Variants in FER observed in about 807,000 individuals in gnomAD.
FER encodes tyrosine-protein kinase Fer.
Under a neutral mutation model 111.0 loss-of-function variants are expected in FER, and 63 were observed. The observed-to-expected ratio is 0.57, with a 90% confidence interval of 0.46 to 0.70. FER has a LOEUF of 0.70. Ranked by LOEUF, FER falls within the 30% of genes least tolerant of loss-of-function variation. The pLI is 0.00. For missense variants in FER, 914 were observed against 954.0 expected, an observed-to-expected ratio of 0.96 and a Z score of 0.55; for synonymous variants, 327 against 313.9, an observed-to-expected ratio of 1.04 and a Z score of -0.44.
chr5:109,053,065 CATTT>C (rs1239527830), intron 16 of FER, among the ~76,000 whole-genome samples: 1 of 152,128 alleles, frequency 6.6e-6, no homozygotes, highest in Non-Finnish European at 1.5e-5. Context: ...TAATATCACA[CATTT>C]ATTAATGTCA....
At chr5:108,858,867 TC>T (rs966243721) in intron 5 of FER, among the ~76,000 whole-genome samples, 20 of 151,878 alleles carry the variant, frequency 1.3e-4, no homozygotes, top group African/African-American at 4.8e-4. Flanking sequence ...TTAAGCCCTT[TC>T]CTACATATGG....
intron 3 of FER, among the ~76,000 whole-genome samples, chr5:108,809,252 A>G (rs917504511): frequency 2.0e-5 from 3 of 152,134 alleles, no homozygotes; most frequent in Non-Finnish European, 4.4e-5. Context: ...TCGTTGCTTT[A>G]CCTAATCCCG....
At chr5:109,166,341 G>A (rs977122032) in intron 17 of FER, among the ~76,000 whole-genome samples, 2 of 152,066 alleles carry the variant, frequency 1.3e-5, no homozygotes, top group Non-Finnish European at 2.9e-5. Context: ...AGCCAAGACA[G>A]AAGACATTAT....
chr5:108,843,598 C>T (rs897997910), intron 5 of FER, among the ~76,000 whole-genome samples: 4 of 144,176 alleles, frequency 2.8e-5, no homozygotes, highest in East Asian at 2.1e-4. Context: ...GGTGTGATCT[C>T]GGGTCGCTGT....
intron 17 of FER, among the ~76,000 whole-genome samples, chr5:109,101,092 A>T: frequency 6.6e-6 from 1 of 151,934 alleles, no homozygotes; most frequent in East Asian, 1.9e-4. Flanking sequence ...TTCTGATTGT[A>T]TGTAGTGACC....
intron 17 of FER, among the ~76,000 whole-genome samples, chr5:109,114,883 A>G (rs1750044840): frequency 6.6e-6 from 1 of 151,806 alleles, no homozygotes; most frequent in African/African-American, 2.4e-5. Flanking sequence ...TGTTTGTATT[A>G]TATCCTGTTA....
At chr5:108,988,488 C>T (rs1762817885) in intron 13 of FER, among the ~76,000 whole-genome samples, 2 of 152,042 alleles carry the variant, frequency 1.3e-5, no homozygotes, top group African/African-American at 4.8e-5. Flanking sequence ...CTCAGAGTTT[C>T]TGTTTCTTCT....
intron 5 of FER, among the ~76,000 whole-genome samples, chr5:108,864,707 A>G (rs927721477): frequency 2.6e-5 from 4 of 152,128 alleles, no homozygotes; most frequent in African/African-American, 4.8e-5. Flanking sequence ...GTTCTGTTCC[A>G]TTGGTCTATA....
At chr5:108,912,619 C>G (rs115474836) in intron 10 of FER, among the ~76,000 whole-genome samples, 1,592 of 152,288 alleles carry the variant, frequency 0.01, 30 homozygotes, top group African/African-American at 0.037. Context: ...CCTCGACCTT[C>G]TAAAGTGCTG....
chr5:108,750,563 A>G (rs533113885), intron 1 of FER, among the ~76,000 whole-genome samples: 1 of 152,350 alleles, frequency 6.6e-6, no homozygotes, highest in South Asian at 2.1e-4. Context: ...TGTTGACAGC[A>G]TTAAATATAC....
chr5:109,007,426 C>T (rs1293899055), intron 13 of FER, among the ~76,000 whole-genome samples: 1 of 150,628 alleles, frequency 6.6e-6, no homozygotes, highest in East Asian at 1.9e-4. Context: ...AATTATAGAA[C>T]AATTGCATCA....
At chr5:109,039,570 C>T (rs1458286399) in intron 14 of FER, among the ~76,000 whole-genome samples, 1 of 151,984 alleles carries the variant, frequency 6.6e-6, no homozygotes, top group Non-Finnish European at 1.5e-5. Context: ...CCAGATAAAC[C>T]TTATTATGTT....
intron 13 of FER, among the ~76,000 whole-genome samples, chr5:108,982,085 C>T (rs1199222463): frequency 6.6e-6 from 1 of 152,046 alleles, no homozygotes; most frequent in Admixed American, 6.6e-5. Context: ...GTCAACATCA[C>T]CTGGGAACTT....
At chr5:108,899,226 T>C (rs1216238553) in intron 10 of FER, among the ~76,000 whole-genome samples, 2 of 151,962 alleles carry the variant, frequency 1.3e-5, no homozygotes, top group African/African-American at 4.8e-5. Context: ...TATTGAGCCA[T>C]ATTAATCTAC....
At chr5:108,998,973 T>C (rs530949181) in intron 13 of FER, among the ~76,000 whole-genome samples, 5 of 152,230 alleles carry the variant, frequency 3.3e-5, no homozygotes, top group Non-Finnish European at 7.3e-5. Flanking sequence ...ATACATAATA[T>C]GAATTGTTTC....
At chr5:109,151,358 G>C (rs571238653) in intron 17 of FER, among the ~76,000 whole-genome samples, 2 of 152,086 alleles carry the variant, frequency 1.3e-5, no homozygotes, top group East Asian at 1.9e-4. Flanking sequence ...TCACTCCAAA[G>C]ACCATAAAAC....
chr5:108,949,140 G>T (rs924761896), intron 11 of FER, among the ~76,000 whole-genome samples: 2 of 152,050 alleles, frequency 1.3e-5, no homozygotes, highest in Non-Finnish European at 2.9e-5. Flanking sequence ...GTTATGTTAA[G>T]TTGTACATCA....
At chr5:109,139,829 A>G (rs149984631) in intron 17 of FER, among the ~76,000 whole-genome samples, 25 of 152,278 alleles carry the variant, frequency 1.6e-4, no homozygotes, top group African/African-American at 5.8e-4. Context: ...TGAAGTAAGT[A>G]TTGGTTAGGA....
intron 5 of FER, among the ~76,000 whole-genome samples, chr5:108,856,090 C>CT (rs1554079549): frequency 3.3e-5 from 5 of 151,808 alleles, no homozygotes; most frequent in Non-Finnish European, 7.4e-5. Flanking sequence ...GAGGATACAT[C>CT]TAGTACCCCA....
Sources: allele counts gnomAD v4.1 joint callset (sites outside exome capture counted in the v4.1 genomes callset), GRCh38; gene constraint gnomAD v4.1.1; transcripts MANE v1.5; gene names NCBI Gene and HGNC (gene_info 2026-07-23, HGNC 2026-07-21).